The following FAM120A variants were observed in gnomAD, a reference collection of about 807,000 sequenced individuals.
The protein encoded by FAM120A is constitutive coactivator of PPAR-gamma-like protein 1.
Under a neutral mutation model 109.7 loss-of-function variants are expected in FAM120A, and 15 were observed. That is an observed-to-expected ratio of 0.14 (90% CI 0.09 to 0.21). The LOEUF (loss-of-function observed/expected upper bound fraction) is 0.21. Ranked by LOEUF, FAM120A falls within the 10% of genes least tolerant of loss-of-function variation. FAM120A has a pLI of 1.00. For missense variants in FAM120A, 899 were observed against 1,439.3 expected, an observed-to-expected ratio of 0.62 and a Z score of 6.07; for synonymous variants, 493 against 572.8, an observed-to-expected ratio of 0.86 and a Z score of 1.99.
intron 13 of FAM120A, among the ~76,000 whole-genome samples, chr9:93,557,520 T>G (rs1862326651): frequency 6.6e-6 from 1 of 152,176 alleles, no homozygotes; most frequent in Non-Finnish European, 1.5e-5. Flanking sequence ...GGATTCTTGT[T>G]TTCAGTATGA....
rs1338462227 is a variant in FAM120A at position 93,532,138 on chromosome 9, C to T, written c.1735-17C>T. 1 of 1,611,302 alleles carries T rather than the reference C, an allele frequency of 6.2e-7. No homozygotes were observed. The highest frequency in any genetic ancestry group is 8.5e-7 in the Non-Finnish European group (1 of 1,178,004). Reference sequence around the variant, plus strand: ...ATGAAAAATGTGCAATGTTATTCTGCTTTCTTCCATGCAAAGGGTGAAATC... The same window carrying T: ...ATGAAAAATGTGCAATGTTATTCTGTTTTCTTCCATGCAAAGGGTGAAATC... On this transcript the variant is annotated splice_polypyrimidine_tract_variant and intron_variant, in intron 9 of 17. Transcript: ENST00000277165. This position sits in a 1 kb window ranked among gnomAD's most constrained non-coding sequence, Gnocchi z 4.3.
chr9:93,537,586 A>T (rs553891111), intron 10 of FAM120A, among the ~76,000 whole-genome samples: 5 of 152,288 alleles, frequency 3.3e-5, no homozygotes, highest in African/African-American at 1.2e-4. Context: ...TGAGGGAGCA[A>T]GTTTATAGGT....
At chr9:93,505,140 A>G (rs1462674861) in intron 5 of FAM120A, among the ~76,000 whole-genome samples, 1 of 139,444 alleles carries the variant, frequency 7.2e-6, no homozygotes, top group Non-Finnish European at 1.5e-5. Context: ...GGCTCACTGC[A>G]AGCTCCGCCT....
Position 93,452,887 on chromosome 9 carries a change from G to C in FAM120A, c.474+498G>C. 1.4e-6 allele frequency: 2 copies of C among 1,445,758 alleles called. No homozygotes were observed. The highest frequency in any genetic ancestry group is 1.8e-6 in the Non-Finnish European group (2 of 1,107,670). 89.6% of individuals were successfully genotyped at this position (1,445,758 alleles called of 1,614,324 possible). A position where few individuals can be genotyped will look rare whatever the true frequency, so the allele number is the denominator to read the frequency against. On this transcript the variant is annotated intron_variant, in intron 1 of 17. Coordinates refer to ENST00000277165, the MANE Select transcript of FAM120A (RefSeq NM_014612.5). The surrounding 1 kb of genome is among the most constrained non-coding windows in gnomAD (Gnocchi z 7.0). ...TGCAAATATCAGTGCTGCTGCCGCC[G>C]CCCTTGCCAATGTTGTTAGCCCGGT... is the stretch of plus-strand genomic sequence containing the variant.
chr9:93,508,681 T>C (rs111648894), intron 5 of FAM120A, among the ~76,000 whole-genome samples: 5 of 152,302 alleles, frequency 3.3e-5, no homozygotes, highest in African/African-American at 1.2e-4. Flanking sequence ...CCTGCTTTGC[T>C]CTTGGGCATC....
intron 5 of FAM120A, among the ~76,000 whole-genome samples, chr9:93,501,550 A>G (rs1020133985): frequency 1.3e-5 from 2 of 152,218 alleles, no homozygotes; most frequent in African/African-American, 4.8e-5. Flanking sequence ...TAGGGTAGGC[A>G]TGAACTGCCT....
intron 2 of FAM120A, 21 bp downstream of exon 2, chr9:93,471,408 A>G (rs372486496): frequency 1.2e-6 from 2 of 1,613,544 alleles, no homozygotes; most frequent in South Asian, 2.2e-5. Flanking sequence ...CAGTGTGAAA[A>G]TATTTTATAA....
At chr9:93,493,261 C>T (rs866382729) in intron 3 of FAM120A, among the ~76,000 whole-genome samples, 1 of 152,146 alleles carries the variant, frequency 6.6e-6, no homozygotes, top group South Asian at 2.1e-4. Flanking sequence ...TGTGTTCAAA[C>T]CAAAGTTTAT....
chr9:93,551,045 A>C (rs1033002603), intron 12 of FAM120A, among the ~76,000 whole-genome samples: 1 of 152,318 alleles, frequency 6.6e-6, no homozygotes, highest in Middle Eastern at 3.4e-3. Flanking sequence ...GCTTGATCTT[A>C]AGAATTTTCT....
chr9:93,563,676 C>T (rs1587646221), intron 17 of FAM120A, among the ~76,000 whole-genome samples: 1 of 152,192 alleles, frequency 6.6e-6, no homozygotes, highest in South Asian at 2.1e-4. Context: ...TCTCAAGGAC[C>T]ATTTTTTTCA....
chr9:93,472,957 C>G lies in FAM120A; in HGVS notation c.721+1570C>G, dbSNP rs1858374647. Among the ~76,000 whole-genome samples the G allele has an allele frequency of 2.6e-5, 4 of 152,194 alleles. 1 individual carries two copies. In the Middle Eastern group the frequency reaches 0.014, roughly 518 times the overall value. The stretch of plus-strand genomic sequence containing the variant: ...AGATTAACTTTAAAAGATCAGCAAA[C>G]TGCCAGCCCATGGGCTGCAGAGGCT... On this transcript the variant is annotated intron_variant, in intron 2 of 17. Transcript: ENST00000277165.
chr9:93,557,734 A>G, intron 13 of FAM120A, 93 bp from the exon 14 acceptor site: 2 of 1,239,378 alleles, frequency 1.6e-6, no homozygotes, highest in Non-Finnish European at 2.2e-6. Context: ...AACCAACTGT[A>G]TAGTTGATAG....
At chr9:93,504,227 C>A (rs1859933396) in intron 5 of FAM120A, among the ~76,000 whole-genome samples, 1 of 152,098 alleles carries the variant, frequency 6.6e-6, no homozygotes, top group Non-Finnish European at 1.5e-5. Flanking sequence ...GTGGTTGAAG[C>A]ACAGAAAGCG....
At position 93,497,522 on chromosome 9, in the gene FAM120A, G is replaced by A. The variant is rs747697022; in HGVS notation, c.856G>A (p.Val286Ile). The change falls in exon 4 of 18, where the codon GTT (valine) becomes ATT (isoleucine). Residue 286 changes from valine (V) to isoleucine (I), a missense_variant. Coordinates refer to ENST00000277165, the MANE Select transcript of FAM120A (RefSeq NM_014612.5). ...LPPCDVVIKAVADYVRNIQDT... is the reference protein window; with the variant it reads ...LPPCDVVIKAIADYVRNIQDT... ...ACCTTGCGACGTAGTGATCAAAGCC[G>A]TTGCTGACTATGTACGCAACATTCA... is the stretch of plus-strand genomic sequence containing the variant. 11 of 1,613,318 alleles carry A rather than the reference G, an allele frequency of 6.8e-6. No individual in the cohort carries two copies. Among genetic ancestry groups the A allele is most frequent in the Admixed American group, 1.7e-5 (1 of 59,860 alleles).
intron 12 of FAM120A, among the ~76,000 whole-genome samples, chr9:93,555,163 C>T (rs1862249400): frequency 6.6e-6 from 1 of 152,002 alleles, no homozygotes; most frequent in Non-Finnish European, 1.5e-5. Context: ...TCACCCCAGC[C>T]CTACCTGCCC....
At chr9:93,495,270 A>C (rs1234545363) in intron 3 of FAM120A, among the ~76,000 whole-genome samples, 1 of 152,238 alleles carries the variant, frequency 6.6e-6, no homozygotes, top group Non-Finnish European at 1.5e-5. Flanking sequence ...TACTATACAT[A>C]AAACACTTAA....
chr9:93,547,530 G>A (rs903979049), intron 11 of FAM120A, among the ~76,000 whole-genome samples: 7 of 152,154 alleles, frequency 4.6e-5, no homozygotes, highest in African/African-American at 1.7e-4. Context: ...GCCTTAGGAG[G>A]GCTCCAGAAC....
intron 17 of FAM120A, among the ~76,000 whole-genome samples, chr9:93,564,012 T>C (rs1437247223): frequency 6.6e-6 from 1 of 152,188 alleles, no homozygotes; most frequent in Non-Finnish European, 1.5e-5. Flanking sequence ...GGGTGTTAAC[T>C]ACAGAGGAGT....
intron 10 of FAM120A, among the ~76,000 whole-genome samples, chr9:93,534,327 G>T (rs915468255): frequency 1.3e-5 from 2 of 152,124 alleles, no homozygotes; most frequent in African/African-American, 4.8e-5. Flanking sequence ...AGACTGCCCC[G>T]ACCTTCTCTG....
Sources: gnomAD v4.1 joint callset for allele counts (sites outside exome capture counted in the v4.1 genomes callset) on GRCh38, gnomAD v4.1.1 for gene constraint, Gnocchi (gnomAD v3.1) non-coding constraint, MANE v1.5 for transcripts, NCBI Gene and HGNC (gene_info 2026-07-23, HGNC 2026-07-21) for gene names.